Variants in SNX9 observed in about 807,000 individuals in gnomAD.
The protein encoded by SNX9 is sorting nexin-9.
A neutral mutation model predicts 89.4 loss-of-function variants in SNX9; 44 were observed. The ratio of observed to expected loss-of-function variants is 0.49; its 90% confidence interval spans 0.39 to 0.63. The LOEUF (loss-of-function observed/expected upper bound fraction) is 0.63. Ranked by LOEUF, SNX9 falls within the 30% of genes least tolerant of loss-of-function variation. The pLI is 0.00. For synonymous variants in SNX9, 236 were observed against 247.8 expected (o/e 0.95, Z 0.45); for missense variants, 578 against 736.1 (o/e 0.79, Z 2.49).
intron 5 of SNX9, among the ~76,000 whole-genome samples, chr6:157,897,268 G>A (rs1430626321): frequency 2.6e-5 from 4 of 152,082 alleles, no homozygotes; most frequent in Admixed American, 6.5e-5. Flanking sequence ...CTGCTGGAGC[G>A]GCTCACAGAA....
chr6:157,896,314 T>C (rs2115163939), intron 4 of SNX9, among the ~76,000 whole-genome samples: 1 of 152,318 alleles, frequency 6.6e-6, no homozygotes, highest in South Asian at 2.1e-4. Context: ...AAAAGCCTAC[T>C]TAAAAATACA....
chr6:157,933,169 C>T (rs1279471665), intron 13 of SNX9, among the ~76,000 whole-genome samples: 1 of 151,970 alleles, frequency 6.6e-6, no homozygotes, highest in Non-Finnish European at 1.5e-5. Flanking sequence ...TGTCACACAC[C>T]TGTAGTCTCA....
chr6:157,903,330 C>A (rs1385904679), intron 6 of SNX9, among the ~76,000 whole-genome samples: 10 of 152,306 alleles, frequency 6.6e-5, no homozygotes, highest in African/African-American at 2.4e-4. Context: ...ATAAGTCCTA[C>A]AAGTTCTCCA....
intron 17 of SNX9, among the ~76,000 whole-genome samples, 153 bp from the exon 18 acceptor site, chr6:157,942,638 A>G (rs1213656699): frequency 1.3e-5 from 2 of 152,254 alleles, no homozygotes; most frequent in East Asian, 3.8e-4. Context: ...AGGTCTGTCC[A>G]GCAGCAACGC....
intron 13 of SNX9, among the ~76,000 whole-genome samples, chr6:157,935,185 C>A (rs548907360): frequency 6.6e-6 from 1 of 152,026 alleles, no homozygotes; most frequent in South Asian, 2.1e-4. Flanking sequence ...TCTGGGTAAC[C>A]GGAATATTGA....
Position 157,873,096 on chromosome 6 carries a change from T to C in SNX9, c.100-6T>C. On this transcript the variant is annotated splice_region_variant and splice_polypyrimidine_tract_variant and intron_variant, in intron 2 of 17. Transcript: ENST00000392185. ...TCTTTTTTTTTTTTTTTTGGTGACTTATTAGGATGTAGGTGGAGGATGGCT... is the reference window on the plus strand; with the variant it reads ...TCTTTTTTTTTTTTTTTTGGTGACTCATTAGGATGTAGGTGGAGGATGGCT... 6.4e-7 allele frequency: 1 copy of C among 1,570,612 alleles called. No homozygotes were observed. The highest frequency in any genetic ancestry group is 2.3e-5 in the East Asian group (1 of 44,414).
At chr6:157,824,304 G>A (rs1781300570) in intron 1 of SNX9, among the ~76,000 whole-genome samples, 1 of 152,176 alleles carries the variant, frequency 6.6e-6, no homozygotes, top group South Asian at 2.1e-4. Flanking sequence ...ACTTGATGTA[G>A]AATAGCCACT....
intron 4 of SNX9, among the ~76,000 whole-genome samples, chr6:157,895,401 C>G (rs1397294635): frequency 6.6e-6 from 1 of 152,134 alleles, no homozygotes; most frequent in Non-Finnish European, 1.5e-5. Flanking sequence ...GCTCTATTCC[C>G]TTAACCTTAG....
chr6:157,877,668 T>C (rs1782546151), intron 4 of SNX9, among the ~76,000 whole-genome samples: 1 of 152,162 alleles, frequency 6.6e-6, no homozygotes, highest in African/African-American at 2.4e-5. Context: ...TTGCCTGTGC[T>C]CTCTCCCAGG....
intron 1 of SNX9, among the ~76,000 whole-genome samples, chr6:157,827,539 ATATATTATAT>A (rs781347789): frequency 4.6e-5 from 1 of 21,756 alleles, no homozygotes; most frequent in South Asian, 1.6e-3. Context: ...ATATATAAAC[ATATATTATAT>A]TATAGTTTAT....
chr6:157,865,454 AG>A (rs34065961), intron 1 of SNX9, among the ~76,000 whole-genome samples: 19,174 of 151,838 alleles, frequency 0.13, 1,964 homozygotes, highest in African/African-American at 0.28. Flanking sequence ...TGACGCCCTG[AG>A]GGGAGCCGTC....
chr6:157,930,329 A>C (rs1783783746), intron 12 of SNX9, among the ~76,000 whole-genome samples: 1 of 152,240 alleles, frequency 6.6e-6, no homozygotes. Flanking sequence ...AATATATAGA[A>C]TTAGCCCTGA....
chr6:157,825,085 T>C (rs1781316493), intron 1 of SNX9, among the ~76,000 whole-genome samples: 1 of 152,082 alleles, frequency 6.6e-6, no homozygotes, highest in Non-Finnish European at 1.5e-5. Flanking sequence ...CTGTCTCTAC[T>C]AAAAATACAG....
intron 4 of SNX9, among the ~76,000 whole-genome samples, chr6:157,881,308 A>G (rs541323218): frequency 3.3e-5 from 5 of 152,260 alleles, no homozygotes; most frequent in African/African-American, 1.2e-4. Flanking sequence ...CTTAATTGAC[A>G]TGTTTTATGT....
chr6:157,847,419 A>T (rs1039636693), intron 1 of SNX9, among the ~76,000 whole-genome samples: 1 of 152,172 alleles, frequency 6.6e-6, no homozygotes, highest in Non-Finnish European at 1.5e-5. Context: ...TACTTATTTT[A>T]AAAAGACCAA....
At chr6:157,897,122 C>A in intron 5 of SNX9, 124 bp downstream of exon 5, 1 of 944,844 alleles carries the variant, frequency 1.1e-6, no homozygotes, top group Non-Finnish European at 1.5e-6. Context: ...GTGACCACAG[C>A]ATGGGAAGGG....
chr6:157,920,897 A>G (rs1412532234), intron 9 of SNX9, among the ~76,000 whole-genome samples: 2 of 152,266 alleles, frequency 1.3e-5, no homozygotes, highest in Non-Finnish European at 2.9e-5. Context: ...CACAAGTTCC[A>G]GAATAGCAAC....
chr6:157,827,879 A>G (rs534472315), intron 1 of SNX9, among the ~76,000 whole-genome samples: 9 of 146,042 alleles, frequency 6.2e-5, no homozygotes, highest in Middle Eastern at 3.4e-3. Context: ...TTTTTTTTTA[A>G]CTCTTCGGTT....
intron 1 of SNX9, among the ~76,000 whole-genome samples, chr6:157,859,554 G>C (rs1488738104): frequency 6.6e-6 from 1 of 152,210 alleles, no homozygotes; most frequent in African/African-American, 2.4e-5. Context: ...GAAAAGTGGA[G>C]TGATTTATTC....
Sources: gnomAD v4.1 joint callset for allele counts (sites outside exome capture counted in the v4.1 genomes callset) on GRCh38, gnomAD v4.1.1 for gene constraint, MANE v1.5 for transcripts, NCBI Gene and HGNC (gene_info 2026-07-23, HGNC 2026-07-21) for gene names.